CPHXL: variants seen among roughly 807,000 people sequenced by gnomAD.
CPHXL encodes the protein cytoplasmic polyadenylated homeobox like, also known as cytoplasmic polyadenylated homeobox-like protein.
intron 2 of CPHXL, among the ~76,000 whole-genome samples, chr16:75,718,015 G>T (rs1297754801): frequency 6.6e-6 from 1 of 151,764 alleles, no homozygotes; most frequent in Non-Finnish European, 1.5e-5. Context: ...TTGACCCCAG[G>T]AGTTCAAGAC....
intron 2 of CPHXL, among the ~76,000 whole-genome samples, chr16:75,717,422 C>T (rs1181931327): frequency 1.3e-5 from 2 of 152,146 alleles, no homozygotes; most frequent in African/African-American, 4.8e-5. Flanking sequence ...GAGGATGTCT[C>T]AGGCCCTCAT....
rs1291350256 is a variant in CPHXL at position 75,714,874 on chromosome 16, A to T, written c.568T>A (p.Cys190Ser). 1 of 398,526 alleles carries T rather than the reference A, an allele frequency of 2.5e-6. No homozygotes were observed. Among genetic ancestry groups the T allele is most frequent in the Non-Finnish European group, 4.4e-6 (1 of 226,100 alleles). 24.7% of individuals were successfully genotyped at this position (398,526 alleles called of 1,614,324 possible). ...ATCCCTAGTTTCTCCAGATAGGAGC[A>T]CTGGGAACCCACCTGTTGACTGGGA... ...GIPSQQVGSQ[C>S]SYLEKLGIPS... Residue 190 changes from cysteine to serine, a missense_variant, in exon 3 of 3, where the codon TGC (cysteine) becomes AGC (serine). Coordinates refer to ENST00000640559, the MANE Select transcript of CPHXL (RefSeq NM_001355613.1).
chr16:75,723,657 A>G (rs1373659614), intron 1 of CPHXL, among the ~76,000 whole-genome samples: 12 of 152,212 alleles, frequency 7.9e-5, no homozygotes, highest in East Asian at 1.9e-4. Flanking sequence ...AATCAATATC[A>G]TAAAAATGGC....
chr16:75,721,315 A>T (rs1313985713), intron 1 of CPHXL, among the ~76,000 whole-genome samples: 1 of 152,222 alleles, frequency 6.6e-6, no homozygotes, highest in Non-Finnish European at 1.5e-5. Context: ...GGCAAATTGG[A>T]TAAAGAGTCA....
chr16:75,719,388 T>C (rs2151839112), intron 1 of CPHXL, among the ~76,000 whole-genome samples: 1 of 152,110 alleles, frequency 6.6e-6, no homozygotes, highest in South Asian at 2.1e-4. Flanking sequence ...ACCAGGAAAA[T>C]CAGGTCACTC....
intron 1 of CPHXL, among the ~76,000 whole-genome samples, chr16:75,721,450 ATCC>A (rs1959475780): frequency 6.6e-6 from 1 of 152,214 alleles, no homozygotes; most frequent in Non-Finnish European, 1.5e-5. Context: ...AGGGGTTGCA[ATCC>A]TAGTCTCGGA....
intron 1 of CPHXL, among the ~76,000 whole-genome samples, chr16:75,723,414 A>C (rs1310508636): frequency 6.6e-6 from 1 of 152,222 alleles, no homozygotes; most frequent in Non-Finnish European, 1.5e-5. Flanking sequence ...CTCAGGATAC[A>C]AAATCAATGT....
intron 1 of CPHXL, among the ~76,000 whole-genome samples, chr16:75,722,317 C>G (rs1335859256): frequency 6.6e-6 from 1 of 151,920 alleles, no homozygotes; most frequent in Non-Finnish European, 1.5e-5. Flanking sequence ...GAATCCAGGA[C>G]CTGGCTTTTT....
At chr16:75,721,735 G>C (rs1377780795) in intron 1 of CPHXL, among the ~76,000 whole-genome samples, 1 of 152,158 alleles carries the variant, frequency 6.6e-6, no homozygotes, top group African/African-American at 2.4e-5. Context: ...ATTGAACTCA[G>C]CTCTGCACCA....
At chr16:75,720,240 A>G (rs1258456838) in intron 1 of CPHXL, among the ~76,000 whole-genome samples, 1 of 152,206 alleles carries the variant, frequency 6.6e-6, no homozygotes, top group African/African-American at 2.4e-5. Flanking sequence ...GCAATTGAAC[A>G]AAGCTGGATG....
chr16:75,719,905 C>A (rs1005044808), intron 1 of CPHXL, among the ~76,000 whole-genome samples: 4 of 152,164 alleles, frequency 2.6e-5, no homozygotes, highest in African/African-American at 9.7e-5. Flanking sequence ...CGAGACAAAA[C>A]TTCTAGAGGA....
chr16:75,724,765 C>T (rs1189351175), intron 1 of CPHXL, among the ~76,000 whole-genome samples: 1 of 152,146 alleles, frequency 6.6e-6, no homozygotes, highest in Non-Finnish European at 1.5e-5. Flanking sequence ...CCCAGCCATC[C>T]CATTACTGGG....
intron 2 of CPHXL, among the ~76,000 whole-genome samples, chr16:75,716,039 TG>T (rs1434456562): frequency 6.6e-6 from 1 of 152,168 alleles, no homozygotes. Flanking sequence ...TGACATGCAT[TG>T]GTTCACGGGT....
chr16:75,722,192 G>T (rs1347654581), intron 1 of CPHXL, among the ~76,000 whole-genome samples: 1 of 152,086 alleles, frequency 6.6e-6, no homozygotes, highest in East Asian at 1.9e-4. Flanking sequence ...ACAATGAAAA[G>T]AACTAGAGAA....
At chr16:75,724,666 T>C (rs967507564) in intron 1 of CPHXL, among the ~76,000 whole-genome samples, 13 of 152,284 alleles carry the variant, frequency 8.5e-5, no homozygotes, top group Admixed American at 4.6e-4. Flanking sequence ...AACACTTTTA[T>C]ACTGTTGGTG....
Position 75,718,269 on chromosome 16 carries a change from A to G in CPHXL, c.215T>C (p.Ile72Thr), listed in dbSNP as rs905663707. The change falls in exon 2 of 3, where the codon ATA becomes ACA. Residue 72 changes from isoleucine (I) to threonine (T), a missense_variant. Coordinates refer to ENST00000640559, the MANE Select transcript of CPHXL (RefSeq NM_001355613.1). ...CATATGAGGTCTTGAACTTACATCT[A>G]TCACATTTACCGGACAATCAAATTT... ...AIKFDCPVNV[I>T]DNWFQNKRAR... The G allele has an allele frequency of 2.5e-5, 10 of 398,760 alleles. No homozygotes were observed. The highest frequency in any genetic ancestry group is 6.2e-5 in the African/African-American group (3 of 48,758). 24.7% of individuals were successfully genotyped at this position (398,760 alleles called of 1,614,324 possible).
At chr16:75,719,768 C>T (rs1301154018) in intron 1 of CPHXL, among the ~76,000 whole-genome samples, 2 of 152,182 alleles carry the variant, frequency 1.3e-5, no homozygotes, top group African/African-American at 4.8e-5. Flanking sequence ...GTTCTCCCAG[C>T]ACGCAGCTGG....
Position 75,714,231 on chromosome 16 carries a change from T to G in CPHXL, c.1211A>C (p.Gln404Pro), listed in dbSNP as rs1207798641. The change falls in exon 3 of 3, where the codon CAA becomes CCA. Residue 404 changes from glutamine to proline, a missense_variant. Transcript: ENST00000640559. ...ASEQPRTQMQQL is the reference protein window; with the variant it reads ...ASEQPRTQMQPL ...CCTTGTCCACTCTTCAACTTAAAGT[T>G]GCTGCATTTGGGTCCTGGGTTGCTC... 10 of 398,562 alleles carry G rather than the reference T, an allele frequency of 2.5e-5. No homozygotes were observed. The highest frequency in any genetic ancestry group is 4.4e-5 in the Non-Finnish European group (10 of 226,122). 24.7% of individuals were successfully genotyped at this position (398,562 alleles called of 1,614,324 possible).
At chr16:75,724,357 AT>A (rs1344790298) in intron 1 of CPHXL, among the ~76,000 whole-genome samples, 32 of 152,258 alleles carry the variant, frequency 2.1e-4, no homozygotes, top group Admixed American at 2.1e-3. Flanking sequence ...ATGGGAGAAA[AT>A]TTTTGCAATC....
Sources: gnomAD v4.1 joint callset for allele counts (sites outside exome capture counted in the v4.1 genomes callset) on GRCh38, gnomAD v4.1.1 for gene constraint, MANE v1.5 for transcripts, NCBI Gene and HGNC (gene_info 2026-07-23, HGNC 2026-07-21) for gene names.